SLC5A10: variants seen among roughly 807,000 people sequenced by gnomAD.
SLC5A10 encodes sodium/mannose cotransporter SLC5A10.
A neutral mutation model predicts 68.9 loss-of-function variants in SLC5A10; 55 were observed. The ratio of observed to expected loss-of-function variants is 0.80; its 90% CI spans 0.64 to 1.00. The LOEUF (loss-of-function observed/expected upper bound fraction) is 1.00. Ranked by LOEUF, SLC5A10 falls within the 50% of genes least tolerant of loss-of-function variation. The pLI is 0.00. For synonymous variants in SLC5A10, 344 were observed against 344.8 expected (o/e 1.00, Z 0.02); for missense variants, 732 against 819.3 (o/e 0.89, Z 1.30).
upstream of SLC5A10, chr17:18,950,704 GT>G (rs1270072196): frequency 2.0e-6 from 2 of 985,218 alleles, no homozygotes; most frequent in Admixed American, 1.2e-4. Flanking sequence ...ACTATTAATT[GT>G]TTTTTGTTGT....
chr17:18,977,644 T>C, intron 9 of SLC5A10: 2 of 1,609,916 alleles, frequency 1.2e-6, no homozygotes, highest in Non-Finnish European at 1.7e-6. Flanking sequence ...CTGCTTCTTC[T>C]CTTCCCCGAC....
intron 9 of SLC5A10, among the ~76,000 whole-genome samples, chr17:18,984,305 C>T (rs1321700195): frequency 7.0e-6 from 1 of 143,398 alleles, no homozygotes; most frequent in South Asian, 2.2e-4. Context: ...TGCAGTCCAG[C>T]CTGGGCGACA....
intron 5 of SLC5A10, among the ~76,000 whole-genome samples, chr17:18,966,865 G>T (rs1480462425): frequency 6.6e-6 from 1 of 152,188 alleles, no homozygotes; most frequent in Non-Finnish European, 1.5e-5. Flanking sequence ...CCAGGGTGAG[G>T]GGGTAGAGGG....
At chr17:18,981,881 G>A (rs2043143412) in intron 9 of SLC5A10, among the ~76,000 whole-genome samples, 1 of 152,190 alleles carries the variant, frequency 6.6e-6, no homozygotes. Flanking sequence ...GCACGCTCGG[G>A]GTTGAGAAGT....
In SLC5A10 at chr17:18,971,408, G is replaced by A; in HGVS notation, c.846+190G>A. 6.2e-7 allele frequency: 1 copy of A among 1,613,842 alleles called. No individual in the cohort carries two copies. The highest frequency in any genetic ancestry group is 1.1e-5 in the South Asian group (1 of 91,076). ...GGCTTGAGCCCTCCGTTTAGAATCC[G>A]ATGAGGCCCACTGGCTACCGCCCGT... On this transcript the variant is annotated intron_variant, in intron 8 of 14. Coordinates refer to ENST00000395645, the MANE Select transcript of SLC5A10 (RefSeq NM_001042450.4). The surrounding 1 kb of genome is among the most constrained non-coding windows in gnomAD (Gnocchi z 5.5).
intron 9 of SLC5A10, 103 bp from the exon 10 acceptor site, chr17:19,013,307 G>A: frequency 3.9e-6 from 6 of 1,542,806 alleles, no homozygotes; most frequent in Non-Finnish European, 4.4e-6. Context: ...CAGAGGCATT[G>A]ATGGAGCAGG....
At chr17:19,009,819 A>G (rs1489184477) in intron 9 of SLC5A10, among the ~76,000 whole-genome samples, 1 of 152,118 alleles carries the variant, frequency 6.6e-6, no homozygotes, top group South Asian at 2.1e-4. Context: ...GAGGTCATAG[A>G]GTTATTGGTG....
chr17:18,964,749 G>A (rs1472555064), intron 5 of SLC5A10, among the ~76,000 whole-genome samples: 1 of 152,136 alleles, frequency 6.6e-6, no homozygotes, highest in Admixed American at 6.5e-5. Context: ...GATATGGAGG[G>A]GCAGCAATGA....
At chr17:18,979,399 G>T in intron 9 of SLC5A10, 1 of 925,720 alleles carries the variant, frequency 1.1e-6, no homozygotes, top group Non-Finnish European at 1.6e-6. Context: ...TCCAGAGACA[G>T]ACAGGCGGGC....
chr17:19,001,665 C>G (rs1030582420), intron 9 of SLC5A10, among the ~76,000 whole-genome samples: 1 of 152,208 alleles, frequency 6.6e-6, no homozygotes, highest in African/African-American at 2.4e-5. Context: ...TTGTGGGAAG[C>G]AAAGGAAGCT....
At chr17:19,010,514 C>T (rs534718167) in intron 9 of SLC5A10, among the ~76,000 whole-genome samples, 137 of 152,316 alleles carry the variant, frequency 9.0e-4, no homozygotes, top group African/African-American at 3.1e-3. Flanking sequence ...ACCACTGCCA[C>T]GGTTCTCATA....
chr17:18,988,509 C>G, intron 9 of SLC5A10: 1 of 1,557,936 alleles, frequency 6.4e-7, no homozygotes, highest in Non-Finnish European at 8.7e-7. Context: ...TGCCACCAGC[C>G]TCTCACAGGT....
intron 11 of SLC5A10, among the ~76,000 whole-genome samples, chr17:19,015,972 A>G (rs994365705): frequency 1.3e-5 from 2 of 152,002 alleles, no homozygotes; most frequent in East Asian, 1.9e-4. Context: ...AGTGGTATAC[A>G]CTGTACCCAA....
At chr17:18,982,788 T>C (rs1425354990) in intron 9 of SLC5A10, among the ~76,000 whole-genome samples, 1 of 151,954 alleles carries the variant, frequency 6.6e-6, no homozygotes, top group Non-Finnish European at 1.5e-5. Context: ...GCCCCTGGAG[T>C]GGGTCTAGGG....
chr17:18,967,905 C>T (rs925235005), intron 5 of SLC5A10, among the ~76,000 whole-genome samples: 27 of 151,396 alleles, frequency 1.8e-4, no homozygotes, highest in Non-Finnish European at 5.9e-5. Flanking sequence ...CCTGAACTAC[C>T]TGCCCTTCCT....
chr17:18,985,068 C>T (rs942836889), intron 9 of SLC5A10, among the ~76,000 whole-genome samples: 3 of 152,150 alleles, frequency 2.0e-5, no homozygotes, highest in African/African-American at 7.2e-5. Flanking sequence ...AGGAAGGAGC[C>T]GAGTGAGGGT....
chr17:18,976,562 A>C, intron 8 of SLC5A10: 2 of 377,420 alleles, frequency 5.3e-6, no homozygotes, highest in Non-Finnish European at 4.8e-6. Context: ...AGCCCTGACA[A>C]TTGCCAGGGG....
At position 19,017,361 on chromosome 17, in the gene SLC5A10, G is replaced by A. The variant is rs777928205; in HGVS notation, c.1242-2062G>A. On this transcript the variant is annotated intron_variant, in intron 11 of 14. Transcript: ENST00000395645. This position sits in a 1 kb window ranked among gnomAD's most constrained non-coding sequence, Gnocchi z 5.6. Reference sequence around the variant, plus strand: ...CTGCCCGAAACACCACCATTGGAGCGGTATCTCCTAGGCCTCGTGGTCATG... The same window carrying A: ...CTGCCCGAAACACCACCATTGGAGCAGTATCTCCTAGGCCTCGTGGTCATG... 2.0e-5 allele frequency: 31 copies of A among 1,551,782 alleles called. No individual in the cohort carries two copies. The highest frequency in any genetic ancestry group is 1.3e-4 in the South Asian group (11 of 84,070).
intron 9 of SLC5A10, among the ~76,000 whole-genome samples, chr17:18,999,505 C>T (rs1255903709): frequency 1.3e-5 from 2 of 152,188 alleles, no homozygotes; most frequent in African/African-American, 4.8e-5. Context: ...CCGAGCCCCA[C>T]CAAGCCTCAG....
Sources: gnomAD v4.1 joint callset for allele counts (sites outside exome capture counted in the v4.1 genomes callset) on GRCh38, gnomAD v4.1.1 for gene constraint, Gnocchi (gnomAD v3.1) non-coding constraint, MANE v1.5 for transcripts, NCBI Gene and HGNC (gene_info 2026-07-23, HGNC 2026-07-21) for gene names.